The following TRIM33 variants were observed in gnomAD, a reference collection of about 807,000 sequenced individuals.
The protein encoded by TRIM33 is tripartite motif containing 33.
Under a neutral mutation model 125.4 loss-of-function variants are expected in TRIM33, and 20 were observed. That is an observed-to-expected ratio of 0.16 (90% CI 0.11 to 0.23). The LOEUF is 0.23. TRIM33 is among the 10% of genes least tolerant of loss of function. The pLI is 1.00. For synonymous variants in TRIM33, 564 were observed against 513.9 expected (o/e 1.10, Z -1.32); for missense variants, 920 against 1,411.4 (o/e 0.65, Z 5.58).
intron 18 of TRIM33, 47 bp from the exon 19 acceptor site, chr1:114,398,037 C>T (rs1475522763): frequency 6.3e-7 from 1 of 1,590,714 alleles, no homozygotes. Context: ...AATTATAATC[C>T]TTTCTAAAGT....
Position 114,421,471 on chromosome 1 carries a change from T to C in TRIM33, c.2026A>G (p.Asn676Asp). The change falls in exon 11 of 20, where the codon AAC (asparagine) becomes GAC (aspartate). Residue 676 changes from asparagine to aspartate, a missense_variant. Asn to Asp is a conservative substitution (Grantham distance 23, BLOSUM62 1). Coordinates refer to ENST00000358465, the MANE Select transcript of TRIM33 (RefSeq NM_015906.4). ...ELIPSVTNPE[N>D]LPSLPDIPPI... ...GGAATATCTGGCAGCGATGGAAGGT[T>C]TTCTGGATTGGTAACTGAGGGGATT... is the stretch of plus-strand genomic sequence containing the variant. 6.2e-7 allele frequency: 1 copy of C among 1,614,164 alleles called. No homozygotes were observed.
intron 1 of TRIM33, among the ~76,000 whole-genome samples, chr1:114,495,895 A>G (rs1019409290): frequency 6.6e-6 from 1 of 152,188 alleles, no homozygotes; most frequent in Non-Finnish European, 1.5e-5. Flanking sequence ...TTTATTACTA[A>G]TTTATTATAA....
intron 1 of TRIM33, among the ~76,000 whole-genome samples, chr1:114,482,990 G>A (rs1382629905): frequency 6.6e-6 from 1 of 152,146 alleles, no homozygotes; most frequent in Admixed American, 6.5e-5. Context: ...CTTATGCCAA[G>A]TTAGACCACT....
intron 1 of TRIM33, among the ~76,000 whole-genome samples, chr1:114,506,722 A>C (rs546460726): frequency 1.3e-5 from 2 of 152,182 alleles, no homozygotes; most frequent in Non-Finnish European, 2.9e-5. Flanking sequence ...GCACCCCCCA[A>C]AAAATCACAA....
chr1:114,422,768 C>T (rs537256334), intron 10 of TRIM33, among the ~76,000 whole-genome samples: 2 of 152,008 alleles, frequency 1.3e-5, no homozygotes, highest in Middle Eastern at 3.4e-3. Flanking sequence ...TGATGATTAA[C>T]AAAAATGAAG....
At chr1:114,507,494 A>G (rs1251128577) in intron 1 of TRIM33, among the ~76,000 whole-genome samples, 1 of 152,244 alleles carries the variant, frequency 6.6e-6, no homozygotes, top group Non-Finnish European at 1.5e-5. Flanking sequence ...AGTTAAAACC[A>G]CTAGCTATGA....
At chr1:114,428,127 T>A (rs1230667175) in intron 6 of TRIM33, among the ~76,000 whole-genome samples, 1 of 152,222 alleles carries the variant, frequency 6.6e-6, no homozygotes, top group African/African-American at 2.4e-5. Flanking sequence ...TGAATGTTAG[T>A]TAATGTCACT....
At chr1:114,404,046 ACTCC>A (rs1557842874) in intron 15 of TRIM33, among the ~76,000 whole-genome samples, 1 of 152,096 alleles carries the variant, frequency 6.6e-6, no homozygotes, top group African/African-American at 2.4e-5. Context: ...AAAATGATTC[ACTCC>A]CTCTCTCTAT....
At chr1:114,423,907 A>C (rs368087593) in intron 10 of TRIM33, among the ~76,000 whole-genome samples, 4,002 of 152,034 alleles carry the variant, frequency 0.026, 90 homozygotes, top group Non-Finnish European at 0.034. Flanking sequence ...AAGGTTGCCC[A>C]CTCCACCAAA....
intron 17 of TRIM33, 85 bp from the exon 18 acceptor site, chr1:114,399,694 G>A: frequency 8.3e-7 from 1 of 1,210,392 alleles, no homozygotes; most frequent in Non-Finnish European, 1.2e-6. Context: ...ATTAATTTTA[G>A]GGAAAAAAAT....
intron 13 of TRIM33, among the ~76,000 whole-genome samples, chr1:114,407,880 G>GA (rs1286290800): frequency 6.6e-6 from 1 of 152,144 alleles, no homozygotes; most frequent in African/African-American, 2.4e-5. Flanking sequence ...GTTGATGACA[G>GA]AAAGCTTCTC....
At chr1:114,408,783 A>G in intron 12 of TRIM33, 43 bp from the exon 13 acceptor site, 1 of 1,302,060 alleles carries the variant, frequency 7.7e-7, no homozygotes, top group Non-Finnish European at 1.1e-6. Flanking sequence ...GCATATAAGA[A>G]TATTTGGAAT....
intron 9 of TRIM33, 78 bp downstream of exon 9, chr1:114,425,371 T>G: frequency 6.5e-7 from 1 of 1,537,568 alleles, no homozygotes. Context: ...TTGAAATGTG[T>G]AACTTAATTA....
At chr1:114,501,856 G>A (rs1290380128) in intron 1 of TRIM33, among the ~76,000 whole-genome samples, 1 of 152,100 alleles carries the variant, frequency 6.6e-6, no homozygotes, top group Non-Finnish European at 1.5e-5. Context: ...GTACCATATA[G>A]TGCATGCTAT....
At chr1:114,464,881 C>T (rs535558486) in intron 1 of TRIM33, among the ~76,000 whole-genome samples, 1 of 151,962 alleles carries the variant, frequency 6.6e-6, no homozygotes, top group African/African-American at 2.4e-5. Context: ...AGGAAGAAGC[C>T]GGAGAAAAGA....
At chr1:114,485,636 C>CT (rs1370029572) in intron 1 of TRIM33, among the ~76,000 whole-genome samples, 1 of 152,126 alleles carries the variant, frequency 6.6e-6, no homozygotes, top group Non-Finnish European at 1.5e-5. Context: ...AGAAATTGAA[C>CT]TTTCATCTCA....
At chr1:114,403,270 C>CTGTTTTGGCATGTA (rs1652019386) in intron 15 of TRIM33, among the ~76,000 whole-genome samples, 1 of 152,172 alleles carries the variant, frequency 6.6e-6, no homozygotes, top group South Asian at 2.1e-4. Flanking sequence ...GTATCTTGTA[C>CTGTTTTGGCATGTA]TGTTTTGGCA....
intron 4 of TRIM33, among the ~76,000 whole-genome samples, chr1:114,445,440 T>C (rs1648917924): frequency 1.3e-5 from 2 of 152,102 alleles, no homozygotes; most frequent in African/African-American, 2.4e-5. Flanking sequence ...GGGGTCTTAC[T>C]ATGTTGCCCA....
At chr1:114,483,735 C>A (rs942851295) in intron 1 of TRIM33, among the ~76,000 whole-genome samples, 5 of 151,972 alleles carry the variant, frequency 3.3e-5, no homozygotes, top group African/African-American at 1.2e-4. Context: ...ATGGTGAATT[C>A]TCTCAAGGAA....
Sources: gnomAD v4.1 joint callset for allele counts (sites outside exome capture counted in the v4.1 genomes callset) on GRCh38, gnomAD v4.1.1 for gene constraint, MANE v1.5 for transcripts, NCBI Gene and HGNC (gene_info 2026-07-23, HGNC 2026-07-21) for gene names.